SEC24B: variants seen among roughly 807,000 people sequenced by gnomAD.
SEC24B encodes SEC24 homolog B, COPII component, also known as protein transport protein Sec24B.
SEC24B carries 45 observed loss-of-function variants against 142.8 expected under a neutral mutation model. The observed-to-expected ratio is 0.32, with a 90% confidence interval of 0.25 to 0.40. SEC24B has a LOEUF of 0.40. Among genes scored for constraint, SEC24B ranks in the 10% least tolerant of loss-of-function variants. The pLI, the probability that SEC24B is intolerant of heterozygous loss-of-function variation, is 1.00. For synonymous variants in SEC24B, 574 were observed against 568.2 expected (o/e 1.01, Z -0.15); for missense variants, 1,409 against 1,526.8 (o/e 0.92, Z 1.29).
At chr4:109,457,449 G>A (rs770444612) in intron 1 of SEC24B, among the ~76,000 whole-genome samples, 1 of 152,220 alleles carries the variant, frequency 6.6e-6, no homozygotes, top group Non-Finnish European at 1.5e-5. Context: ...CCTTCTTGCT[G>A]TGTCATAACA....
At position 109,513,855 on chromosome 4, in the gene SEC24B, T is replaced by C; in HGVS notation, c.2012T>C (p.Met671Thr). ...TVEFIASSDY[M>T]LRPPQPAVYL... ...GAGTTCATTGCTTCTTCAGATTACA[T>C]GGTAACTATTCAGTGTTAAGATTTG... The change falls in exon 10 of 24, where the codon ATG becomes ACG. Residue 671 changes from methionine to threonine, a missense_variant and splice_region_variant. Coordinates refer to ENST00000265175, the MANE Select transcript of SEC24B (RefSeq NM_006323.5). 2 of 1,571,324 alleles carry C rather than the reference T, an allele frequency of 1.3e-6. No homozygotes were observed. Among genetic ancestry groups the C allele is most frequent in the Non-Finnish European group, 1.8e-6 (2 of 1,141,112 alleles).
At position 109,516,585 on chromosome 4, in the gene SEC24B, G is replaced by C; in HGVS notation, c.2071G>C (p.Val691Leu). ...LFVLDVSHNA[V>L]EAGYLTILCQ... is the part of the protein sequence containing the mutation. ...TGTTTTAGATGTGTCTCATAATGCA[G>C]TGGAAGCTGGATATTTGACAATTTT... Residue 691 changes from valine to leucine, a missense_variant, in exon 11 of 24, where the codon GTG becomes CTG. Val to Leu is a conservative substitution (Grantham distance 32). Coordinates refer to ENST00000265175, the MANE Select transcript of SEC24B (RefSeq NM_006323.5). The C allele has an allele frequency of 6.2e-7, 1 of 1,613,300 alleles. No homozygotes were observed. Among genetic ancestry groups the C allele is most frequent in the African/African-American group, 1.3e-5 (1 of 75,022 alleles).
chr4:109,526,456 A>G lies in SEC24B; in HGVS notation c.2965+57A>G, dbSNP rs1046680619. On this transcript the variant is annotated intron_variant, in intron 17 of 23. Coordinates refer to ENST00000265175, the MANE Select transcript of SEC24B (RefSeq NM_006323.5). Reference sequence around the variant, plus strand: ...AGCAGTAATTCCTCCCTCCTTTCACATGGCCTTTAGTGGAGTGGGGAAAAA... The same window carrying G: ...AGCAGTAATTCCTCCCTCCTTTCACGTGGCCTTTAGTGGAGTGGGGAAAAA... 2.2e-6 allele frequency: 3 copies of G among 1,360,090 alleles called. No individual in the cohort carries two copies. The Admixed American group carries it at 6.0e-5, about 27-fold the overall frequency. The allele number at this position is 1,360,090 out of a possible 1,614,324, so 84.3% of individuals were successfully genotyped here.
chr4:109,459,682 A>G (rs1405045702), intron 1 of SEC24B, among the ~76,000 whole-genome samples: 1 of 152,202 alleles, frequency 6.6e-6, no homozygotes, highest in Non-Finnish European at 1.5e-5. Context: ...CTCACTTCTG[A>G]TAAATTTCAG....
At position 109,506,353 on chromosome 4, in the gene SEC24B, C is replaced by A; in HGVS notation, c.1514C>A (p.Ser505Tyr). The change falls in exon 7 of 24, where the codon TCC (serine) becomes TAC (tyrosine). Residue 505 changes from serine (S) to tyrosine (Y), a missense_variant. Coordinates refer to ENST00000265175, the MANE Select transcript of SEC24B (RefSeq NM_006323.5). The stretch of plus-strand genomic sequence containing the variant: ...CAGTATCCTGGTGTGAACCAGCTAT[C>A]CTCCAGTATAGGAGGATTGAGTCTT... Reference protein sequence around the residue: ...PQQYPGVNQLSSSIGGLSLQS... With the variant: ...PQQYPGVNQLYSSIGGLSLQS... 1 of 1,575,736 alleles carries A rather than the reference C, an allele frequency of 6.3e-7. No homozygotes were observed. The highest frequency in any genetic ancestry group is 8.6e-7 in the Non-Finnish European group (1 of 1,163,606).
chr4:109,444,278 G>A (rs1729223133), intron 1 of SEC24B, among the ~76,000 whole-genome samples: 2 of 150,948 alleles, frequency 1.3e-5, no homozygotes, highest in African/African-American at 4.9e-5. Context: ...GAAGTTCCTA[G>A]AAATTGTCCT....
chr4:109,512,195 C>T, intron 9 of SEC24B, 112 bp downstream of exon 9: 1 of 978,876 alleles, frequency 1.0e-6, no homozygotes. Flanking sequence ...ATTTTCATGC[C>T]ATTTTTAGTA....
chr4:109,494,478 G>T (rs999872685), intron 5 of SEC24B, 137 bp from the exon 6 acceptor site: 2 of 969,628 alleles, frequency 2.1e-6, no homozygotes, highest in Admixed American at 2.4e-5. Context: ...CCTACTTTGT[G>T]TGTGTCCAAA....
chr4:109,527,257 T>G lies in SEC24B; in HGVS notation c.2966-65T>G, dbSNP rs571993174. ...AGAAAGAAAGAAAGAAAAAAAGTATTTGACATGTTTGCTTTGCTTTATTTC... is the reference window on the plus strand; with the variant it reads ...AGAAAGAAAGAAAGAAAAAAAGTATGTGACATGTTTGCTTTGCTTTATTTC... On this transcript the variant is annotated intron_variant, in intron 17 of 23. Transcript: ENST00000265175. 34 of 1,099,646 alleles carry G rather than the reference T, an allele frequency of 3.1e-5. No individual in the cohort carries two copies. In the African/African-American group the frequency reaches 5.3e-4, roughly 17 times the overall value. 68.1% of individuals were successfully genotyped at this position (1,099,646 alleles called of 1,614,324 possible).
chr4:109,481,561 G>T, intron 3 of SEC24B, 116 bp from the exon 4 acceptor site: 1 of 686,756 alleles, frequency 1.5e-6, no homozygotes, highest in Non-Finnish European at 2.5e-6. Flanking sequence ...TAATATGCAT[G>T]TTGGGATGTT....
At chr4:109,534,769 T>C (rs1027239769) in intron 22 of SEC24B, among the ~76,000 whole-genome samples, 4 of 152,112 alleles carry the variant, frequency 2.6e-5, no homozygotes, top group Non-Finnish European at 4.4e-5. Context: ...GGCTAACTTC[T>C]CTATAAAAAG....
chr4:109,505,562 A>G (rs1333440383), intron 6 of SEC24B, among the ~76,000 whole-genome samples: 2 of 152,128 alleles, frequency 1.3e-5, no homozygotes, highest in African/African-American at 4.8e-5. Flanking sequence ...CTACTTTAAC[A>G]TGTGTATTTT....
intron 14 of SEC24B, among the ~76,000 whole-genome samples, chr4:109,524,251 A>T (rs1723975798): frequency 6.6e-6 from 1 of 152,128 alleles, no homozygotes; most frequent in Non-Finnish European, 1.5e-5. Context: ...CTTATATTAG[A>T]GTAAGCTCTA....
rs6824223 is a variant in SEC24B at position 109,451,339 on chromosome 4, G to A, written c.134-11562G>A. The stretch of plus-strand genomic sequence containing the variant: ...CTCAAGCGATCCTCTCAAGTAGCTG[G>A]TGTCATCTGCCTTGCTAATTTTTTT... On this transcript the variant is annotated intron_variant, in intron 1 of 23. Transcript: ENST00000265175. 2.2e-3 allele frequency among the ~76,000 whole-genome samples: 327 copies of A among 151,674 alleles called. 1 individual carries two copies. Among genetic ancestry groups the A allele is most frequent in the Admixed American group, 4.2e-3 (64 of 15,222 alleles).
chr4:109,484,878 G>C (rs957893497), intron 4 of SEC24B, among the ~76,000 whole-genome samples: 9 of 150,436 alleles, frequency 6.0e-5, no homozygotes. Context: ...AAAAGATTTA[G>C]CATTTATGGC....
intron 6 of SEC24B, 92 bp from the exon 7 acceptor site, chr4:109,506,236 T>G (rs1736669165): frequency 1.2e-5 from 11 of 904,502 alleles, no homozygotes; most frequent in Non-Finnish European, 1.5e-5. Flanking sequence ...CTTACCTTTT[T>G]GCTTTTTCTG....
chr4:109,466,771 C>G (rs1731940390), intron 2 of SEC24B, among the ~76,000 whole-genome samples: 1 of 152,172 alleles, frequency 6.6e-6, no homozygotes, highest in African/African-American at 2.4e-5. Context: ...TTCTTTACTA[C>G]TTGATTATAC....
At chr4:109,502,711 T>C (rs546964936) in intron 6 of SEC24B, among the ~76,000 whole-genome samples, 1 of 152,300 alleles carries the variant, frequency 6.6e-6, no homozygotes, top group Admixed American at 6.5e-5. Flanking sequence ...TGTCAAACAG[T>C]ATTTGATCAG....
In SEC24B at chr4:109,525,427, A is replaced by G; in HGVS notation, c.2714A>G (p.Lys905Arg). ...HYTHNPSQAE[K>R]LQKDLKRYLT... is the part of the protein sequence containing the mutation. ...ACTCACAATCCTTCACAAGCAGAAA[A>G]GTTACAAAAAGACCTAAAACGGTAT... The change falls in exon 16 of 24, where the codon AAG becomes AGG. Residue 905 changes from lysine (K) to arginine (R), a missense_variant. This residue lies in a region of SEC24B where 700 missense variants were observed against 853.3 expected (regional missense o/e 0.82). Coordinates refer to ENST00000265175, the MANE Select transcript of SEC24B (RefSeq NM_006323.5). 1 of 1,612,158 alleles carries G rather than the reference A, an allele frequency of 6.2e-7. No individual in the cohort carries two copies.
Sources: gnomAD v4.1 joint callset for allele counts (sites outside exome capture counted in the v4.1 genomes callset) on GRCh38, gnomAD v4.1.1 for gene constraint, gnomAD v4.1.1 regional missense constraint, MANE v1.5 for transcripts, NCBI Gene and HGNC (gene_info 2026-07-23, HGNC 2026-07-21) for gene names.